ITK: variants seen among roughly 807,000 people sequenced by gnomAD.
ITK encodes tyrosine-protein kinase ITK/TSK.
In ITK, 45 loss-of-function variants were observed where a neutral mutation model predicts 87.6. The ratio of observed to expected loss-of-function variants is 0.51; its 90% CI spans 0.40 to 0.66. The LOEUF (loss-of-function observed/expected upper bound fraction) is 0.66. Among genes scored for constraint, ITK ranks in the 30% least tolerant of loss-of-function variants. The pLI is 0.00. For synonymous variants in ITK, 303 were observed against 273.6 expected (o/e 1.11, Z -1.06); for missense variants, 605 against 766.3 (o/e 0.79, Z 2.48).
intron 11 of ITK, among the ~76,000 whole-genome samples, chr5:157,243,295 A>G (rs923376819): frequency 6.6e-6 from 1 of 152,234 alleles, no homozygotes. Context: ...AAGAATGATC[A>G]GCTCAATGAA....
At chr5:157,209,744 G>T (rs39827) in intron 2 of ITK, among the ~76,000 whole-genome samples, 33,380 of 151,986 alleles carry the variant, frequency 0.22, 4,372 homozygotes, top group Admixed American at 0.29. Flanking sequence ...ATCTGGAATC[G>T]CACTGTCTAG....
Position 157,254,297 on chromosome 5 carries a change from G to A in ITK, c.*1619G>A, listed in dbSNP as rs139530015. 3.0e-4 allele frequency: 69 copies of A among 227,856 alleles called. No homozygotes were observed. Among genetic ancestry groups the A allele is most frequent in the African/African-American group, 1.4e-3 (64 of 45,150 alleles). 14.1% of individuals were successfully genotyped at this position (227,856 alleles called of 1,614,324 possible). ...TATTCTGTATCCTTACCTTGGTCAT[G>A]TTAATGACTTTGGAGTTATTCAGTT... is the stretch of plus-strand genomic sequence containing the variant. On this transcript the variant is annotated 3_prime_UTR_variant, in exon 17 of 17. Coordinates refer to ENST00000422843, the MANE Select transcript of ITK (RefSeq NM_005546.4).
At chr5:157,248,424 C>T (rs939411151) in intron 15 of ITK, among the ~76,000 whole-genome samples, 2 of 152,054 alleles carry the variant, frequency 1.3e-5, no homozygotes, top group African/African-American at 2.4e-5. Flanking sequence ...AGAAAATGTG[C>T]CAATTCTGAT....
intron 1 of ITK, chr5:157,195,900 A>G (rs987057755): frequency 6.6e-6 from 1 of 152,240 alleles, no homozygotes; most frequent in African/African-American, 2.4e-5. Flanking sequence ...ATTATGCACA[A>G]TGAGAAATGA....
chr5:157,182,669 A>G lies in ITK; in HGVS notation c.138+1554A>G, dbSNP rs114929321. The stretch of plus-strand genomic sequence containing the variant: ...TACTCAATGCTTTTTTGTGAATGGA[A>G]CATTTAAAGTTTTTGTTTCATATTG... On this transcript the variant is annotated intron_variant, in intron 1 of 16. Coordinates refer to ENST00000422843, the MANE Select transcript of ITK (RefSeq NM_005546.4). 1.9e-3 allele frequency among the ~76,000 whole-genome samples: 286 copies of G among 152,328 alleles called. 1 individual carries two copies. The highest frequency in any genetic ancestry group is 3.1e-3 in the Non-Finnish European group (208 of 68,024).
intron 7 of ITK, 26 bp from the exon 8 acceptor site, chr5:157,232,314 G>T: frequency 6.5e-7 from 1 of 1,531,252 alleles, no homozygotes; most frequent in South Asian, 1.1e-5. Context: ...ATATGTCATT[G>T]ACATATGACT....
intron 8 of ITK, among the ~76,000 whole-genome samples, chr5:157,237,377 A>G (rs757782747): frequency 6.6e-6 from 1 of 152,218 alleles, no homozygotes; most frequent in Non-Finnish European, 1.5e-5. Context: ...GGGGACTCCA[A>G]AAGTTGGAAG....
In ITK at chr5:157,208,900, G is replaced by A. The variant is rs61743239; in HGVS notation, c.150G>A (p.Thr50=). ...TTCTCTCCCCACAGAAGAAGCGCAC[G>A]CTGAAGGGGTCCATTGAGCTCTCCC... is the stretch of plus-strand genomic sequence containing the variant. The part of the protein sequence containing the change: ...YFEDRHGKKR[T]LKGSIELSRI... The change falls in exon 2 of 17, where the codon ACG becomes ACA. Residue 50 remains threonine (T), a synonymous_variant. Coordinates refer to ENST00000422843, the MANE Select transcript of ITK (RefSeq NM_005546.4). 641 of 1,613,090 alleles carry A rather than the reference G, an allele frequency of 4.0e-4. 1 individual carries two copies. The highest frequency in any genetic ancestry group is 4.9e-4 in the Middle Eastern group (3 of 6,062).
rs764772357 is a variant in ITK at position 157,248,878 on chromosome 5, A to G, written c.1662A>G (p.Glu554=). ...TGCTGATGTGGGAAGTTTTCAGTGA[A>G]GGCAAAATCCCGTATGAAAACCGAA... ...FGVLMWEVFS[E]GKIPYENRSN... The change falls in exon 16 of 17, where the codon GAA becomes GAG. Residue 554 remains glutamate (E), a synonymous_variant. Transcript: ENST00000422843. The G allele has an allele frequency of 6.2e-7, 1 of 1,613,990 alleles. No homozygotes were observed. Among genetic ancestry groups the G allele is most frequent in the Non-Finnish European group, 8.5e-7 (1 of 1,179,874 alleles).
At chr5:157,209,184 T>C (rs979500312) in intron 2 of ITK, among the ~76,000 whole-genome samples, 191 bp downstream of exon 2, 1 of 152,020 alleles carries the variant, frequency 6.6e-6, no homozygotes, top group Non-Finnish European at 1.5e-5. Context: ...TACAAAAAAT[T>C]AGCTGGGCGT....
intron 4 of ITK, among the ~76,000 whole-genome samples, chr5:157,217,524 A>T (rs3815955): frequency 0.21 from 31,558 of 151,980 alleles, 4,192 homozygotes; most frequent in East Asian, 0.54. Flanking sequence ...TGGCAGAGAC[A>T]TTCCCGGAAG....
intron 7 of ITK, among the ~76,000 whole-genome samples, chr5:157,230,012 A>T (rs1002429161): frequency 6.6e-6 from 1 of 152,220 alleles, no homozygotes; most frequent in Non-Finnish European, 1.5e-5. Context: ...ATTTTTTGTT[A>T]TAATATACAT....
chr5:157,246,828 T>C (rs906140995), intron 15 of ITK, among the ~76,000 whole-genome samples: 1 of 152,140 alleles, frequency 6.6e-6, no homozygotes, highest in South Asian at 2.1e-4. Flanking sequence ...TACTGACTTA[T>C]TGGGAGAACA....
intron 1 of ITK, chr5:157,196,000 C>CA (rs1041641348): frequency 2.6e-5 from 4 of 152,152 alleles, no homozygotes; most frequent in Non-Finnish European, 4.4e-5. Context: ...GGACATTTGA[C>CA]AAAACCTGGG....
chr5:157,244,175 A>G (rs1331019403), intron 12 of ITK, 87 bp from the exon 13 acceptor site: 1 of 1,026,120 alleles, frequency 9.7e-7, no homozygotes, highest in Non-Finnish European at 1.5e-6. Flanking sequence ...AGACAAAATG[A>G]CCATTGGCTA....
chr5:157,197,487 A>G (rs1753875707), intron 1 of ITK, among the ~76,000 whole-genome samples: 1 of 152,214 alleles, frequency 6.6e-6, no homozygotes, highest in Non-Finnish European at 1.5e-5. Flanking sequence ...AAATATCATA[A>G]GAATATATAA....
intron 4 of ITK, among the ~76,000 whole-genome samples, chr5:157,215,976 C>T (rs1754290832): frequency 6.6e-6 from 1 of 152,170 alleles, no homozygotes; most frequent in Non-Finnish European, 1.5e-5. Flanking sequence ...GAGGACTGGT[C>T]ATGCTGAGCT....
intron 9 of ITK, 47 bp from the exon 10 acceptor site, chr5:157,240,015 A>T (rs376397365): frequency 1.3e-6 from 2 of 1,591,280 alleles, no homozygotes; most frequent in Non-Finnish European, 8.6e-7. Flanking sequence ...TTTGTGTCTC[A>T]ACATTGCTTC....
At chr5:157,201,967 T>C (rs983368151) in intron 1 of ITK, among the ~76,000 whole-genome samples, 3 of 152,132 alleles carry the variant, frequency 2.0e-5, no homozygotes, top group Admixed American at 6.5e-5. Context: ...ACCCAGTAGG[T>C]AGATTTTCAA....
Sources: allele counts gnomAD v4.1 joint callset (sites outside exome capture counted in the v4.1 genomes callset), GRCh38; gene constraint gnomAD v4.1.1; transcripts MANE v1.5; gene names NCBI Gene and HGNC (gene_info 2026-07-23, HGNC 2026-07-21).